Variants in ZFAND3 observed in about 807,000 individuals in gnomAD.
The protein encoded by ZFAND3 is AN1-type zinc finger protein 3.
In ZFAND3, 10 loss-of-function variants were observed where a neutral mutation model predicts 29.6. The observed-to-expected ratio is 0.34, with a 90% CI of 0.21 to 0.57. The LOEUF is 0.57. ZFAND3 is among the 20% of genes least tolerant of loss of function. The pLI is 0.86. For missense variants in ZFAND3, 230 were observed against 304.5 expected (o/e 0.76, Z 1.82); for synonymous variants, 128 against 112.6 (o/e 1.14, Z -0.87).
chr6:37,871,481 G>T (rs1254438634), intron 1 of ZFAND3, among the ~76,000 whole-genome samples: 1 of 152,230 alleles, frequency 6.6e-6, no homozygotes, highest in African/African-American at 2.4e-5. Flanking sequence ...ACTAAATGCA[G>T]TGTGGCATCT....
chr6:38,144,200 T>TA (rs143218188), intron 5 of ZFAND3, among the ~76,000 whole-genome samples: 24 of 41,208 alleles, frequency 5.8e-4, no homozygotes, highest in African/African-American at 1.6e-3. Flanking sequence ...TATATATATA[T>TA]ATATATATAT....
intron 2 of ZFAND3, among the ~76,000 whole-genome samples, chr6:37,973,922 G>A (rs1762433053): frequency 6.6e-6 from 1 of 152,184 alleles, no homozygotes; most frequent in Admixed American, 6.5e-5. Context: ...GGTTTGATTA[G>A]TTCTCTATCT....
rs140787390 is a variant in ZFAND3 at position 37,896,568 on chromosome 6, T to C, written c.72-33391T>C. ...TTTCTTTCTTTCTTTCTTTCTTTCT[T>C]TCTCTCTTTCTCTCTCTTTCTCTTT... On this transcript the variant is annotated intron_variant, in intron 1 of 5. Coordinates refer to ENST00000287218, the MANE Select transcript of ZFAND3 (RefSeq NM_021943.3). Among the ~76,000 whole-genome samples, 229 of 145,708 alleles carry C rather than the reference T, an allele frequency of 1.6e-3. No homozygotes were observed. In the East Asian group the frequency reaches 0.031, roughly 20 times the overall value.
At chr6:37,882,038 C>T (rs1405663775) in intron 1 of ZFAND3, among the ~76,000 whole-genome samples, 1 of 151,988 alleles carries the variant, frequency 6.6e-6, no homozygotes, top group East Asian at 1.9e-4. Context: ...AAAATGTGTC[C>T]AATGTTGAAT....
chr6:38,098,814 A>G (rs571985462), intron 4 of ZFAND3, among the ~76,000 whole-genome samples: 1 of 152,268 alleles, frequency 6.6e-6, no homozygotes, highest in Admixed American at 6.5e-5. Flanking sequence ...TCTTAAACAC[A>G]GTTAAAGTAA....
intron 2 of ZFAND3, among the ~76,000 whole-genome samples, chr6:37,947,051 G>A (rs1225603174): frequency 1.3e-5 from 2 of 152,136 alleles, no homozygotes; most frequent in South Asian, 4.1e-4. Flanking sequence ...GGTTAAGATG[G>A]TAAATTTTAT....
chr6:37,875,633 TA>T (rs1764778184), intron 1 of ZFAND3, among the ~76,000 whole-genome samples: 2 of 139,290 alleles, frequency 1.4e-5, no homozygotes, highest in South Asian at 2.2e-4. Context: ...TTAATTTCTG[TA>T]TTTTTTTTTT....
At chr6:37,985,529 C>CACACA (rs33984396) in intron 2 of ZFAND3, among the ~76,000 whole-genome samples, 1,715 of 89,712 alleles carry the variant, frequency 0.019, 14 homozygotes, top group African/African-American at 0.028. Context: ...ACACACACAC[C>CACACA]CCCACACACG....
chr6:38,083,860 C>T (rs1764710929), intron 4 of ZFAND3, among the ~76,000 whole-genome samples: 1 of 152,082 alleles, frequency 6.6e-6, no homozygotes, highest in Non-Finnish European at 1.5e-5. Flanking sequence ...CTCTCTGATC[C>T]TATACTATTT....
intron 3 of ZFAND3, among the ~76,000 whole-genome samples, chr6:38,073,715 CAG>C (rs1361272819): frequency 6.6e-6 from 1 of 152,150 alleles, no homozygotes; most frequent in Admixed American, 6.5e-5. Context: ...TTTGAAGTAT[CAG>C]TGGTAAGCGT....
chr6:38,100,909 G>A (rs1765080163), intron 4 of ZFAND3, among the ~76,000 whole-genome samples: 1 of 152,046 alleles, frequency 6.6e-6, no homozygotes, highest in Non-Finnish European at 1.5e-5. Flanking sequence ...CCATATCCCT[G>A]ACCATTTGAG....
At chr6:38,028,804 T>A (rs1763495998) in intron 2 of ZFAND3, among the ~76,000 whole-genome samples, 1 of 152,226 alleles carries the variant, frequency 6.6e-6, no homozygotes, top group South Asian at 2.1e-4. Flanking sequence ...TTTCCTGTAT[T>A]CTATGTAGAA....
intron 5 of ZFAND3, among the ~76,000 whole-genome samples, chr6:38,144,208 T>TA (rs1766042675): frequency 4.6e-5 from 2 of 43,472 alleles, no homozygotes; most frequent in South Asian, 9.8e-4. Context: ...TATATATATA[T>TA]ATAATATATA....
chr6:38,118,177 G>C (rs1765458296), intron 5 of ZFAND3, among the ~76,000 whole-genome samples: 1 of 152,196 alleles, frequency 6.6e-6, no homozygotes, highest in Non-Finnish European at 1.5e-5. Flanking sequence ...GTATGGCCCA[G>C]GTAAGTTCAA....
intron 1 of ZFAND3, among the ~76,000 whole-genome samples, chr6:37,854,432 T>C (rs938670226): frequency 1.3e-5 from 2 of 152,194 alleles, no homozygotes; most frequent in Non-Finnish European, 2.9e-5. Context: ...ACTTTATAGC[T>C]CAAGTCCCTT....
rs530572002 is a variant in ZFAND3, at chr6:38,026,084, A to G, written c.113-35509A>G. On this transcript the variant is annotated intron_variant, in intron 2 of 5. Coordinates refer to ENST00000287218, the MANE Select transcript of ZFAND3 (RefSeq NM_021943.3). ...AATAAAGCTGTTACAAAAATAACCT[A>G]TTACTTAAAATATAAATTATTGACA... is the stretch of plus-strand genomic sequence containing the variant. 2.6e-5 allele frequency among the ~76,000 whole-genome samples: 4 copies of G among 152,348 alleles called. No individual in the cohort carries two copies. The East Asian group carries it at 5.8e-4, about 22-fold the overall frequency.
intron 2 of ZFAND3, among the ~76,000 whole-genome samples, chr6:37,963,669 T>C (rs1762239921): frequency 6.6e-6 from 1 of 152,156 alleles, no homozygotes; most frequent in Non-Finnish European, 1.5e-5. Context: ...GCAACAGTAA[T>C]ACCTTCTCTT....
At chr6:38,043,447 C>A (rs967750435) in intron 2 of ZFAND3, among the ~76,000 whole-genome samples, 1 of 149,462 alleles carries the variant, frequency 6.7e-6, no homozygotes, top group South Asian at 2.2e-4. Flanking sequence ...CCTATCCCCT[C>A]CCCGTCTCTT....
At chr6:37,877,132 C>T (rs1764808988) in intron 1 of ZFAND3, among the ~76,000 whole-genome samples, 1 of 152,120 alleles carries the variant, frequency 6.6e-6, no homozygotes, top group Admixed American at 6.5e-5. Context: ...ATTTATTTCA[C>T]CAGTGGGAAT....
Sources: gnomAD v4.1 joint callset for allele counts (sites outside exome capture counted in the v4.1 genomes callset) on GRCh38, gnomAD v4.1.1 for gene constraint, MANE v1.5 for transcripts, NCBI Gene and HGNC (gene_info 2026-07-23, HGNC 2026-07-21) for gene names.